The following SLC39A8 variants were observed in gnomAD, a reference collection of about 807,000 sequenced individuals.
SLC39A8 encodes solute carrier family 39 member 8, also known as metal cation symporter ZIP8.
Under a neutral mutation model 40.4 loss-of-function variants are expected in SLC39A8, and 15 were observed. That is an observed-to-expected ratio of 0.37 (90% CI 0.25 to 0.57). The LOEUF (loss-of-function observed/expected upper bound fraction) is 0.57. Among genes scored for constraint, SLC39A8 ranks in the 20% least tolerant of loss-of-function variants. The probability of loss-of-function intolerance (pLI) is 0.75; values close to 1 mark genes in which losing one functional copy is unlikely to be tolerated. For missense variants in SLC39A8, 472 were observed against 558.8 expected (o/e 0.84, Z 1.57); for synonymous variants, 223 against 221.6 (o/e 1.01, Z -0.06).
intron 4 of SLC39A8, among the ~76,000 whole-genome samples, chr4:102,306,848 T>C (rs1290280692): frequency 6.6e-6 from 1 of 152,086 alleles, no homozygotes; most frequent in Non-Finnish European, 1.5e-5. Context: ...GTGTGCACTA[T>C]AGTCAAGATA....
intron 6 of SLC39A8, among the ~76,000 whole-genome samples, chr4:102,284,278 CT>C (rs2149018252): frequency 6.6e-6 from 1 of 152,310 alleles, no homozygotes; most frequent in Non-Finnish European, 1.5e-5. Context: ...TCTCCATTGT[CT>C]ATCATTCCAT....
intron 2 of SLC39A8, among the ~76,000 whole-genome samples, chr4:102,336,503 G>C (rs913271423): frequency 3.3e-5 from 5 of 151,304 alleles, no homozygotes; most frequent in African/African-American, 1.2e-4. Flanking sequence ...AGACTTAGAG[G>C]CATTATCAAT....
chr4:102,321,356 C>T (rs1450955846), intron 2 of SLC39A8, among the ~76,000 whole-genome samples: 21 of 152,166 alleles, frequency 1.4e-4, no homozygotes, highest in Admixed American at 1.2e-3. Context: ...CTCGGAGAAT[C>T]TCTACCTGCC....
chr4:102,320,338 G>GTA (rs1351850082), intron 2 of SLC39A8, among the ~76,000 whole-genome samples: 2 of 121,042 alleles, frequency 1.7e-5, no homozygotes, highest in Admixed American at 1.8e-4. Flanking sequence ...GTATATATGA[G>GTA]TATATATATA....
At chr4:102,285,428 C>T (rs1733124966) in intron 6 of SLC39A8, among the ~76,000 whole-genome samples, 2 of 152,090 alleles carry the variant, frequency 1.3e-5, no homozygotes, top group Non-Finnish European at 2.9e-5. Context: ...CTAATCAATG[C>T]CCTAACTCTA....
In SLC39A8 at chr4:102,268,037, GC is replaced by G; in HGVS notation, c.882del (p.Lys296AsnfsTer5). The G allele has an allele frequency of 6.2e-7, 1 of 1,614,124 alleles. No individual in the cohort carries two copies. The highest frequency in any genetic ancestry group is 8.5e-7 in the Non-Finnish European group (1 of 1,180,010). ...ATCGTCCCTATTTCTGACAGTTTGG[GC>G]CCCTTCAAACAGGTACATGAACTTG... Reference protein sequence around the residue: ...KEPSSCTCLKGPKLSEIGTIA... With the variant: ...KEPSSCTCLKXPKLSEIGTIA... On this transcript the variant is annotated frameshift_variant, in exon 7 of 9. Coordinates refer to ENST00000356736, the MANE Select transcript of SLC39A8 (RefSeq NM_001135146.2). LOFTEE classifies it high-confidence loss of function.
At chr4:102,267,790 T>G (rs1295397829) in intron 7 of SLC39A8, 82 bp downstream of exon 7, 3 of 1,559,440 alleles carry the variant, frequency 1.9e-6, no homozygotes, top group African/African-American at 1.4e-5. Flanking sequence ...AGAAGGATTT[T>G]AAGAGCATGT....
chr4:102,253,149 T>G, exon 12 of SLC39A8: 1 of 240,056 alleles, frequency 4.2e-6, no homozygotes, highest in Non-Finnish European at 6.7e-6. Context: ...AACTCAAACA[T>G]GTCGTTTTTC....
intron 6 of SLC39A8, among the ~76,000 whole-genome samples, chr4:102,302,582 C>T (rs1733966725): frequency 6.6e-6 from 1 of 151,976 alleles, no homozygotes; most frequent in Admixed American, 6.6e-5. Context: ...ATCTTGCTTA[C>T]AGTAGAGCAG....
intron 3 of SLC39A8, among the ~76,000 whole-genome samples, chr4:102,311,456 C>T (rs906540035): frequency 2.2e-4 from 33 of 152,058 alleles, no homozygotes; most frequent in African/African-American, 7.7e-4. Context: ...ACGACACCTA[C>T]AAGAAGCCAC....
At chr4:102,333,372 T>C (rs189956834) in intron 2 of SLC39A8, among the ~76,000 whole-genome samples, 62 of 152,150 alleles carry the variant, frequency 4.1e-4, no homozygotes, top group Non-Finnish European at 7.1e-4. Flanking sequence ...TCCCATAAGG[T>C]AGGTACAATT....
intron 3 of SLC39A8, among the ~76,000 whole-genome samples, chr4:102,308,377 C>A (rs1274644611): frequency 6.6e-6 from 1 of 152,070 alleles, no homozygotes; most frequent in Non-Finnish European, 1.5e-5. Flanking sequence ...AGACCCAGGG[C>A]CTGGCACCCA....
At chr4:102,325,108 C>A (rs1735140204) in intron 2 of SLC39A8, among the ~76,000 whole-genome samples, 1 of 152,018 alleles carries the variant, frequency 6.6e-6, no homozygotes, top group Non-Finnish European at 1.5e-5. Context: ...TACATATATA[C>A]ACACGCTGAA....
intron 2 of SLC39A8, among the ~76,000 whole-genome samples, chr4:102,335,750 A>G (rs1480523802): frequency 6.6e-6 from 1 of 152,172 alleles, no homozygotes; most frequent in Non-Finnish European, 1.5e-5. Context: ...AGAATTTACT[A>G]CCAGTGTTTG....
chr4:102,336,019 T>C (rs560379043), intron 2 of SLC39A8, among the ~76,000 whole-genome samples: 4 of 152,228 alleles, frequency 2.6e-5, no homozygotes, highest in African/African-American at 9.6e-5. Flanking sequence ...ATAATAACTA[T>C]GCATTGAGCA....
At position 102,267,691 on chromosome 4, in the gene SLC39A8, A is replaced by G. The variant is rs1287868081; in HGVS notation, c.1049-17T>C. On this transcript the variant is annotated splice_polypyrimidine_tract_variant and intron_variant, in intron 7 of 8. Coordinates refer to ENST00000356736, the MANE Select transcript of SLC39A8 (RefSeq NM_001135146.2). ...CAAAGTCTCCTAGAAGAAGAAGAAG[A>G]AAATATCAAGTGAATAGTTTTTTTT... is the stretch of plus-strand genomic sequence containing the variant. The G allele has an allele frequency of 6.4e-7, 1 of 1,567,664 alleles. No homozygotes were observed. The highest frequency in any genetic ancestry group is 8.6e-7 in the Non-Finnish European group (1 of 1,162,190).
At chr4:102,320,493 T>C (rs565162067) in intron 2 of SLC39A8, among the ~76,000 whole-genome samples, 20 of 78,786 alleles carry the variant, frequency 2.5e-4, no homozygotes, top group African/African-American at 8.1e-4. Flanking sequence ...AGAGTATATA[T>C]ATATGAGAAT....
intron 6 of SLC39A8, among the ~76,000 whole-genome samples, chr4:102,298,762 A>T (rs1449518567): frequency 6.7e-6 from 1 of 148,932 alleles, no homozygotes; most frequent in African/African-American, 2.5e-5. Flanking sequence ...TGGAAGATGG[A>T]AAGAGGAAGG....
rs909423717 is a variant in SLC39A8, at chr4:102,287,959, C to T, written c.840+16358G>A. On this transcript the variant is annotated intron_variant, in intron 6 of 8. Transcript: ENST00000356736. ...ACAAAGTATGGGTATATTTCTTGCA[C>T]GTGACAGGTACCACCAGCATCACAC... Among the ~76,000 whole-genome samples the T allele has an allele frequency of 6.6e-5, 10 of 152,080 alleles. No individual in the cohort carries two copies. In the East Asian group the frequency reaches 9.6e-4, roughly 15 times the overall value.
Sources: gnomAD v4.1 joint callset for allele counts (sites outside exome capture counted in the v4.1 genomes callset) on GRCh38, gnomAD v4.1.1 for gene constraint, MANE v1.5 for transcripts, NCBI Gene and HGNC (gene_info 2026-07-23, HGNC 2026-07-21) for gene names.